Variants in PCDH9 observed in about 807,000 individuals in gnomAD.
The protein encoded by PCDH9 is protocadherin-9.
PCDH9 carries 24 observed loss-of-function variants against 70.6 expected under a neutral mutation model. The ratio of observed to expected loss-of-function variants is 0.34; its 90% CI spans 0.25 to 0.48. The LOEUF is 0.48. Ranked by LOEUF, PCDH9 falls within the 20% of genes least tolerant of loss-of-function variation. The probability of loss-of-function intolerance (pLI) is 0.99; values close to 1 mark genes in which losing one functional copy is unlikely to be tolerated. For synonymous variants in PCDH9, 562 were observed against 558.5 expected, an observed-to-expected ratio of 1.01 and a Z score of -0.09; for missense variants, 1,281 against 1,503.6, an observed-to-expected ratio of 0.85 and a Z score of 2.45.
intron 3 of PCDH9, among the ~76,000 whole-genome samples, chr13:66,828,699 G>A (rs2080867422): frequency 6.6e-6 from 1 of 151,758 alleles, no homozygotes; most frequent in African/African-American, 2.4e-5. Flanking sequence ...ACAGAGAGAG[G>A]GAGAAACATA....
intron 3 of PCDH9, among the ~76,000 whole-genome samples, chr13:66,757,749 A>C (rs945230942): frequency 1.3e-5 from 2 of 152,136 alleles, no homozygotes; most frequent in African/African-American, 4.8e-5. Context: ...CTTCATATGC[A>C]TGAGATAGCA....
intron 4 of PCDH9, among the ~76,000 whole-genome samples, chr13:66,359,292 C>T (rs888358731): frequency 1.3e-5 from 2 of 151,800 alleles, no homozygotes; most frequent in East Asian, 1.9e-4. Context: ...ATCAGCATTC[C>T]GCAGGGGCTG....
intron 2 of PCDH9, among the ~76,000 whole-genome samples, chr13:66,904,386 T>C (rs2082326099): frequency 6.6e-6 from 1 of 152,012 alleles, no homozygotes. Context: ...TTTTCTTACT[T>C]CTTTTCTAAA....
intron 2 of PCDH9, among the ~76,000 whole-genome samples, chr13:67,114,984 T>C (rs1039351045): frequency 3.3e-5 from 5 of 152,202 alleles, no homozygotes; most frequent in African/African-American, 1.2e-4. Flanking sequence ...TCCTATTCAT[T>C]GTTATCTCTT....
At chr13:66,637,696 G>A (rs112238838) in intron 3 of PCDH9, among the ~76,000 whole-genome samples, 21,476 of 151,986 alleles carry the variant, frequency 0.14, 1,847 homozygotes, top group Middle Eastern at 0.2. Flanking sequence ...GGTGGATCAC[G>A]AGGTCAGGAT....
intron 3 of PCDH9, among the ~76,000 whole-genome samples, chr13:66,902,024 T>G (rs1287187512): frequency 6.6e-6 from 1 of 151,474 alleles, no homozygotes; most frequent in East Asian, 1.9e-4. Flanking sequence ...TGAGAAAAAA[T>G]TTTTCTCTGC....
At chr13:66,446,229 C>T (rs1168774653) in intron 4 of PCDH9, among the ~76,000 whole-genome samples, 1 of 151,968 alleles carries the variant, frequency 6.6e-6, no homozygotes, top group African/African-American at 2.4e-5. Flanking sequence ...CAGTGTCCAG[C>T]TGGTTACCCT....
At chr13:67,186,512 C>T (rs2088763354) in intron 2 of PCDH9, among the ~76,000 whole-genome samples, 1 of 152,158 alleles carries the variant, frequency 6.6e-6, no homozygotes, top group Admixed American at 6.6e-5. Flanking sequence ...CTAACAAGCA[C>T]CCAGCTAATG....
intron 4 of PCDH9, among the ~76,000 whole-genome samples, chr13:66,356,419 A>C (rs967521597): frequency 4.6e-5 from 7 of 152,074 alleles, no homozygotes; most frequent in Non-Finnish European, 1.0e-4. Flanking sequence ...TTGATGAACA[A>C]AATCTGATTT....
chr13:66,948,038 C>T (rs1157938400), intron 2 of PCDH9, among the ~76,000 whole-genome samples: 3 of 152,078 alleles, frequency 2.0e-5, no homozygotes, highest in East Asian at 1.9e-4. Flanking sequence ...GAAGTAAAAC[C>T]GACAAGACAT....
intron 2 of PCDH9, among the ~76,000 whole-genome samples, chr13:67,130,113 A>G (rs2087075870): frequency 6.6e-6 from 1 of 152,154 alleles, no homozygotes; most frequent in Admixed American, 6.6e-5. Context: ...AGAAAATTAA[A>G]TATTAAAACC....
intron 3 of PCDH9, among the ~76,000 whole-genome samples, chr13:66,656,986 A>G (rs968233717): frequency 9.9e-5 from 15 of 152,204 alleles, no homozygotes; most frequent in African/African-American, 3.6e-4. Context: ...AGCAAGTCAG[A>G]GCAAGAGGAA....
intron 4 of PCDH9, among the ~76,000 whole-genome samples, chr13:66,607,081 C>T (rs1340647924): frequency 6.6e-6 from 1 of 152,046 alleles, no homozygotes; most frequent in Non-Finnish European, 1.5e-5. Flanking sequence ...AAAATTCTCA[C>T]TAAAATACTA....
chr13:66,381,745 C>T (rs1956851961), intron 4 of PCDH9, among the ~76,000 whole-genome samples: 1 of 152,158 alleles, frequency 6.6e-6, no homozygotes, highest in Admixed American at 6.5e-5. Flanking sequence ...CTGATTCTTT[C>T]ATTTCTCCTT....
intron 2 of PCDH9, among the ~76,000 whole-genome samples, chr13:67,114,781 G>A (rs2086726645): frequency 6.6e-6 from 1 of 152,184 alleles, no homozygotes; most frequent in African/African-American, 2.4e-5. Flanking sequence ...AATAACAAAT[G>A]TGTCCCTATA....
intron 2 of PCDH9, among the ~76,000 whole-genome samples, chr13:67,068,141 T>C (rs929625583): frequency 2.6e-5 from 4 of 152,132 alleles, no homozygotes; most frequent in Admixed American, 6.6e-5. Flanking sequence ...ATAGTGTTAA[T>C]AAGATCAGCA....
chr13:66,421,720 A>G (rs536805747), intron 4 of PCDH9, among the ~76,000 whole-genome samples: 37 of 152,332 alleles, frequency 2.4e-4, no homozygotes, highest in Admixed American at 3.9e-4. Flanking sequence ...AATAAAATGT[A>G]AAGACCATTG....
intron 2 of PCDH9, among the ~76,000 whole-genome samples, chr13:67,063,428 A>T (rs934363907): frequency 1.3e-5 from 2 of 152,048 alleles, no homozygotes; most frequent in African/African-American, 4.8e-5. Flanking sequence ...ACTTTGCATA[A>T]TTTTAATACT....
intron 4 of PCDH9, among the ~76,000 whole-genome samples, chr13:66,355,119 TAC>T (rs1486286554): frequency 3.3e-5 from 5 of 152,032 alleles, no homozygotes; most frequent in Non-Finnish European, 2.9e-5. Flanking sequence ...ACAGCATACT[TAC>T]AGAGATGCCA....
Sources: gnomAD v4.1 joint callset for allele counts (sites outside exome capture counted in the v4.1 genomes callset) on GRCh38, gnomAD v4.1.1 for gene constraint, MANE v1.5 for transcripts, NCBI Gene and HGNC (gene_info 2026-07-23, HGNC 2026-07-21) for gene names.